The following AFF3 variants were observed in gnomAD, a reference collection of about 807,000 sequenced individuals.
The protein encoded by AFF3 is AF4/FMR2 family member 3.
Under a neutral mutation model 129.7 loss-of-function variants are expected in AFF3, and 32 were observed. That is an observed-to-expected ratio of 0.25 (90% CI 0.19 to 0.33). The LOEUF (loss-of-function observed/expected upper bound fraction) is 0.33. Among genes scored for constraint, AFF3 ranks in the 10% least tolerant of loss-of-function variants. AFF3 has a pLI of 1.00. For synonymous variants in AFF3, 644 were observed against 635.4 expected (o/e 1.01, Z -0.20); for missense variants, 1,373 against 1,592.0 (o/e 0.86, Z 2.34).
chr2:100,056,059 TCTCTCACACACACA>T (rs1481937943), intron 4 of AFF3, among the ~76,000 whole-genome samples: 1 of 114,654 alleles, frequency 8.7e-6, no homozygotes, highest in Admixed American at 8.5e-5. Flanking sequence ...TCGCTGTCTC[TCTCTCACACACACA>T]CACACACACA....
intron 8 of AFF3, among the ~76,000 whole-genome samples, chr2:99,772,656 C>G (rs910045891): frequency 6.6e-6 from 1 of 152,164 alleles, no homozygotes; most frequent in South Asian, 2.1e-4. Flanking sequence ...AGTGATATGG[C>G]TAAGCCTAGC....
intron 8 of AFF3, among the ~76,000 whole-genome samples, chr2:99,829,568 C>A (rs1356064116): frequency 6.6e-6 from 1 of 152,112 alleles, no homozygotes; most frequent in Non-Finnish European, 1.5e-5. Context: ...AAATGCAAAT[C>A]AAAACTACAA....
At chr2:99,997,709 A>G (rs909084262) in intron 7 of AFF3, among the ~76,000 whole-genome samples, 1 of 152,046 alleles carries the variant, frequency 6.6e-6, no homozygotes, top group African/African-American at 2.4e-5. Flanking sequence ...CACTTCTCCC[A>G]TCCCATGTAC....
intron 4 of AFF3, among the ~76,000 whole-genome samples, chr2:100,077,275 T>C (rs901984340): frequency 6.6e-6 from 1 of 151,972 alleles, no homozygotes; most frequent in African/African-American, 2.4e-5. Context: ...AAATTAATCT[T>C]AAAAATAATA....
intron 4 of AFF3, among the ~76,000 whole-genome samples, chr2:100,023,672 G>A (rs1456569122): frequency 1.3e-5 from 2 of 152,074 alleles, no homozygotes; most frequent in African/African-American, 4.8e-5. Context: ...TCCAAGCAGA[G>A]ACAAGTCAGG....
At chr2:99,798,745 G>A (rs187675195) in intron 8 of AFF3, among the ~76,000 whole-genome samples, 10 of 152,058 alleles carry the variant, frequency 6.6e-5, no homozygotes, top group Admixed American at 4.6e-4. Flanking sequence ...TCAATATGAC[G>A]TAAAAATCTA....
At chr2:99,899,594 A>G (rs1694208039) in intron 7 of AFF3, among the ~76,000 whole-genome samples, 1 of 152,240 alleles carries the variant, frequency 6.6e-6, no homozygotes, top group Admixed American at 6.5e-5. Flanking sequence ...TATTGCTGAC[A>G]TAAGGATTTG....
At chr2:99,967,360 G>A (rs1677882117) in intron 7 of AFF3, among the ~76,000 whole-genome samples, 1 of 151,298 alleles carries the variant, frequency 6.6e-6, no homozygotes, top group Admixed American at 6.6e-5. Context: ...TCTCCTGAGT[G>A]CCAGTTCTAG....
intron 7 of AFF3, among the ~76,000 whole-genome samples, chr2:99,910,623 T>C (rs746891886): frequency 2.0e-5 from 3 of 152,240 alleles, no homozygotes; most frequent in Non-Finnish European, 4.4e-5. Flanking sequence ...AAACTGTGCT[T>C]CTCTAAGTTG....
chr2:99,752,067 A>G (rs1038440594), intron 9 of AFF3, among the ~76,000 whole-genome samples, 154 bp downstream of exon 9: 9 of 152,246 alleles, frequency 5.9e-5, no homozygotes, highest in Admixed American at 1.3e-4. Context: ...TCATAAATGA[A>G]TAAGTATGCG....
intron 4 of AFF3, among the ~76,000 whole-genome samples, chr2:100,079,690 T>C (rs1486424263): frequency 6.6e-6 from 1 of 152,180 alleles, no homozygotes; most frequent in African/African-American, 2.4e-5. Context: ...CATAACCACT[T>C]GCAGACATAA....
At chr2:99,884,850 A>C (rs1232747678) in intron 7 of AFF3, among the ~76,000 whole-genome samples, 1 of 152,210 alleles carries the variant, frequency 6.6e-6, no homozygotes, top group Non-Finnish European at 1.5e-5. Flanking sequence ...TGGGTTCACC[A>C]TATTCGCTTC....
At chr2:99,737,881 C>T (rs1680387358) in intron 10 of AFF3, among the ~76,000 whole-genome samples, 1 of 151,870 alleles carries the variant, frequency 6.6e-6, no homozygotes. Context: ...TTCTTAAATT[C>T]AACTTTCCAA....
intron 7 of AFF3, among the ~76,000 whole-genome samples, chr2:99,873,728 G>GT (rs112561437): frequency 0.05 from 6,969 of 138,760 alleles, 456 homozygotes; most frequent in African/African-American, 0.16. Flanking sequence ...CATCTTAGTG[G>GT]TTTTTTTTTT....
At chr2:99,656,744 C>T (rs1685778784) in intron 12 of AFF3, among the ~76,000 whole-genome samples, 5 of 152,030 alleles carry the variant, frequency 3.3e-5, no homozygotes, top group Non-Finnish European at 7.4e-5. Flanking sequence ...ATTTTTCAAC[C>T]CGTTTAGTAA....
intron 7 of AFF3, among the ~76,000 whole-genome samples, chr2:99,947,601 AAGAT>A (rs70940190): frequency 0.16 from 21,425 of 135,790 alleles, 1,712 homozygotes; most frequent in East Asian, 0.25. Context: ...GAAAGAAAGA[AAGAT>A]AGATAGATAG....
chr2:99,560,919 C>T (rs1184885948), intron 20 of AFF3, among the ~76,000 whole-genome samples: 1 of 152,186 alleles, frequency 6.6e-6, no homozygotes, highest in East Asian at 1.9e-4. Flanking sequence ...GTCCTGAGTA[C>T]ATTTTTAATC....
intron 7 of AFF3, among the ~76,000 whole-genome samples, chr2:99,992,892 T>C (rs1680488165): frequency 6.6e-6 from 1 of 152,222 alleles, no homozygotes; most frequent in Admixed American, 6.5e-5. Flanking sequence ...AGACCTCATG[T>C]CCCAGCCTAA....
chr2:99,608,651 CTG>C (rs1447305421), intron 13 of AFF3, among the ~76,000 whole-genome samples: 1 of 152,190 alleles, frequency 6.6e-6, no homozygotes, highest in East Asian at 1.9e-4. Flanking sequence ...AGGAACCAAA[CTG>C]GAGAATCCCA....
Sources: allele counts gnomAD v4.1 joint callset (sites outside exome capture counted in the v4.1 genomes callset), GRCh38; gene constraint gnomAD v4.1.1; transcripts MANE v1.5; gene names NCBI Gene and HGNC (gene_info 2026-07-23, HGNC 2026-07-21).